The following RASSF6 variants were observed in gnomAD, a reference collection of about 807,000 sequenced individuals.
RASSF6 encodes Ras association domain family member 6.
A neutral mutation model predicts 44.0 loss-of-function variants in RASSF6; 52 were observed. That is an observed-to-expected ratio of 1.18 (90% CI 0.95 to 1.49). The LOEUF (loss-of-function observed/expected upper bound fraction) is 1.49. Ranked by LOEUF, RASSF6 falls within the 40% of genes most tolerant of loss-of-function variation. The probability of loss-of-function intolerance (pLI) is 0.00; values close to 1 mark genes in which losing one functional copy is unlikely to be tolerated. For missense variants in RASSF6, 464 were observed against 393.3 expected (o/e 1.18, Z -1.52); for synonymous variants, 162 against 124.6 (o/e 1.30, Z -2.00).
chr4:73,588,775 TCTC>T (rs1484943500), intron 4 of RASSF6, among the ~76,000 whole-genome samples: 1 of 131,522 alleles, frequency 7.6e-6, no homozygotes, highest in Non-Finnish European at 1.6e-5. Flanking sequence ...ATTATCCTCA[TCTC>T]CATTGTCATC....
chr4:73,606,282 G>T (rs1447249076), intron 2 of RASSF6, among the ~76,000 whole-genome samples: 2 of 152,192 alleles, frequency 1.3e-5, no homozygotes, highest in Non-Finnish European at 2.9e-5. Flanking sequence ...GATGCAGCCG[G>T]AGGCTATTAT....
At position 73,575,948 on chromosome 4, in the gene RASSF6, C is replaced by T; in HGVS notation, c.*287G>A. ...AGTTTAAACTGCTTATCTGAAGACACCATTTAAATTTGAGTTCATTACATG... is the reference window on the plus strand; with the variant it reads ...AGTTTAAACTGCTTATCTGAAGACATCATTTAAATTTGAGTTCATTACATG... On this transcript the variant is annotated 3_prime_UTR_variant, in exon 11 of 11. Coordinates refer to ENST00000307439, the MANE Select transcript of RASSF6 (RefSeq NM_177532.5). 4.3e-6 allele frequency: 1 copy of T among 231,988 alleles called. No individual in the cohort carries two copies. The highest frequency in any genetic ancestry group is 8.3e-6 in the Non-Finnish European group (1 of 120,816). 14.4% of individuals were successfully genotyped at this position (231,988 alleles called of 1,614,324 possible). A position where few individuals can be genotyped will look rare whatever the true frequency, so the allele number is the denominator to read the frequency against.
intron 1 of RASSF6, among the ~76,000 whole-genome samples, chr4:73,614,041 T>C (rs910155618): frequency 6.6e-6 from 1 of 152,232 alleles, no homozygotes; most frequent in Non-Finnish European, 1.5e-5. Context: ...CTTTCTCCCA[T>C]GCTCTAAAAT....
intron 8 of RASSF6, among the ~76,000 whole-genome samples, chr4:73,579,644 G>A (rs1723473676): frequency 6.6e-6 from 1 of 151,388 alleles, no homozygotes; most frequent in Non-Finnish European, 1.5e-5. Flanking sequence ...CTGTTGTTTT[G>A]TTACCATTTT....
intron 4 of RASSF6, among the ~76,000 whole-genome samples, chr4:73,591,849 C>G (rs1724583478): frequency 6.6e-6 from 1 of 152,046 alleles, no homozygotes; most frequent in African/African-American, 2.4e-5. Flanking sequence ...CACAGTTGGG[C>G]ACTGGGATGA....
intron 2 of RASSF6, among the ~76,000 whole-genome samples, chr4:73,610,511 A>G (rs1051768973): frequency 6.6e-6 from 1 of 152,156 alleles, no homozygotes; most frequent in Non-Finnish European, 1.5e-5. Flanking sequence ...TTCTGAGCCC[A>G]TTTGGCTTCT....
intron 2 of RASSF6, 123 bp from the exon 3 acceptor site, chr4:73,598,841 T>C (rs925343271): frequency 4.0e-6 from 2 of 495,306 alleles, no homozygotes; most frequent in African/African-American, 4.1e-5. Context: ...TACTGTTCTG[T>C]CACTTTAACT....
chr4:73,576,943 G>A (rs1723276576), intron 8 of RASSF6, among the ~76,000 whole-genome samples: 1 of 152,136 alleles, frequency 6.6e-6, no homozygotes, highest in South Asian at 2.1e-4. Flanking sequence ...ATGTCTCAAA[G>A]AACTCAGCCT....
chr4:73,606,605 T>C (rs893340223), intron 2 of RASSF6, among the ~76,000 whole-genome samples: 12 of 150,684 alleles, frequency 8.0e-5, no homozygotes, highest in South Asian at 2.1e-4. Flanking sequence ...TGGTTTAGCC[T>C]TTCATTTCCT....
In RASSF6 at chr4:73,575,317, G is replaced by A. The variant is rs1560434605; in HGVS notation, c.*918C>T. The A allele has an allele frequency of 6.6e-6, 1 of 151,302 alleles. No individual in the cohort carries two copies. The highest frequency in any genetic ancestry group is 2.4e-5 in the African/African-American group (1 of 41,172). 9.4% of individuals were successfully genotyped at this position (151,302 alleles called of 1,614,324 possible). ...ATTTTTAGTGTTTTTTTTTCAAGTG[G>A]GTTAAACAGATCTGTGAGTACCTTG... On this transcript the variant is annotated 3_prime_UTR_variant, in exon 11 of 11. Coordinates refer to ENST00000307439, the MANE Select transcript of RASSF6 (RefSeq NM_177532.5).
intron 1 of RASSF6, among the ~76,000 whole-genome samples, chr4:73,615,301 T>C (rs750208526): frequency 1.7e-4 from 26 of 152,094 alleles, no homozygotes; most frequent in Non-Finnish European, 2.9e-4. Flanking sequence ...CCATGATTCA[T>C]AGCAAACTAA....
chr4:73,580,857 T>C (rs554761766), intron 8 of RASSF6, among the ~76,000 whole-genome samples: 23 of 98,662 alleles, frequency 2.3e-4, no homozygotes, highest in Non-Finnish European at 3.8e-4. Context: ...TCTTTTGCTG[T>C]GCAGAAGCTC....
rs1163047148 is a variant in RASSF6, at chr4:73,582,202, A to T, written c.656T>A (p.Leu219His). The change falls in exon 7 of 11, where the codon CTC becomes CAC. Residue 219 changes from leucine (L) to histidine (H), a missense_variant. Leu to His is a moderately conservative substitution (Grantham distance 99). Transcript: ENST00000307439. ...MRTEEVIKQL[L>H]QKFKIENSPQ... ...GATAAAGGTTACCTTAAATTTTTGG[A>T]GAAGTTGCTTTATTACTTCTTCAGT... is the stretch of plus-strand genomic sequence containing the variant. The T allele has an allele frequency of 1.3e-6, 2 of 1,548,652 alleles. No individual in the cohort carries two copies. The highest frequency in any genetic ancestry group is 2.3e-5 in the South Asian group (2 of 85,690).
At chr4:73,615,029 G>C (rs1726258779) in intron 1 of RASSF6, among the ~76,000 whole-genome samples, 1 of 151,850 alleles carries the variant, frequency 6.6e-6, no homozygotes, top group African/African-American at 2.4e-5. Context: ...AAATACAAAA[G>C]TTAGCCGGGT....
rs113718297 is a variant in RASSF6, at chr4:73,604,468, T to C, written c.66-5750A>G. The C allele has an allele frequency of 8.0e-3, 1,205 of 151,302 alleles. 19 individuals are homozygous for C. Among genetic ancestry groups the C allele is most frequent in the African/African-American group, 0.028 (1,150 of 40,410 alleles). 9.4% of individuals were successfully genotyped at this position (151,302 alleles called of 1,614,324 possible). ...CAGCCTGAGCGACAGTGAGACTCTGTCTCAAAAAAACAAAACAAAACAAAA... is the reference window on the plus strand; with the variant it reads ...CAGCCTGAGCGACAGTGAGACTCTGCCTCAAAAAAACAAAACAAAACAAAA... On this transcript the variant is annotated intron_variant, in intron 2 of 10. Transcript: ENST00000307439.
intron 2 of RASSF6, among the ~76,000 whole-genome samples, chr4:73,599,565 T>C (rs1199542179): frequency 6.6e-6 from 1 of 152,192 alleles, no homozygotes; most frequent in Non-Finnish European, 1.5e-5. Context: ...TTGTGGCAGG[T>C]GGGCCCTGGC....
At chr4:73,603,121 T>G (rs1170104376) in intron 2 of RASSF6, among the ~76,000 whole-genome samples, 1 of 151,616 alleles carries the variant, frequency 6.6e-6, no homozygotes, top group Non-Finnish European at 1.5e-5. Flanking sequence ...GAAAAAGAAA[T>G]AGACACAAAT....
At chr4:73,608,931 G>A (rs1382630562) in intron 2 of RASSF6, among the ~76,000 whole-genome samples, 1 of 152,180 alleles carries the variant, frequency 6.6e-6, no homozygotes, top group Non-Finnish European at 1.5e-5. Flanking sequence ...AAGTGCAGGT[G>A]GCTGGTTCCT....
chr4:73,580,693 G>A (rs1723567060), intron 8 of RASSF6, among the ~76,000 whole-genome samples: 1 of 148,314 alleles, frequency 6.7e-6, no homozygotes, highest in Non-Finnish European at 1.5e-5. Flanking sequence ...GTCTATTCAT[G>A]TCCTTTGCCC....
Sources: allele counts gnomAD v4.1 joint callset (sites outside exome capture counted in the v4.1 genomes callset), GRCh38; gene constraint gnomAD v4.1.1; transcripts MANE v1.5; gene names NCBI Gene and HGNC (gene_info 2026-07-23, HGNC 2026-07-21).